ANK2: variants seen among roughly 807,000 people sequenced by gnomAD.
The protein encoded by ANK2 is ankyrin 2.
Under a neutral mutation model 360.5 loss-of-function variants are expected in ANK2, and 83 were observed. The observed-to-expected ratio is 0.23, with a 90% confidence interval of 0.19 to 0.28. The LOEUF (loss-of-function observed/expected upper bound fraction) is 0.28, where lower values mean the gene tolerates loss of function less well. Among genes scored for constraint, ANK2 ranks in the 10% least tolerant of loss-of-function variants. The pLI, the probability that ANK2 is intolerant of heterozygous loss-of-function variation, is 1.00. For missense variants in ANK2, 4,201 were observed against 4,795.7 expected (o/e 0.88, Z 3.66); for synonymous variants, 1,740 against 1,759.5 (o/e 0.99, Z 0.28).
chr4:112,860,599 A>C (rs1308441433), intron 1 of ANK2, among the ~76,000 whole-genome samples: 1 of 152,240 alleles, frequency 6.6e-6, no homozygotes, highest in Non-Finnish European at 1.5e-5. Flanking sequence ...AGTTGGAAAA[A>C]ATAATTACTA....
intron 1 of ANK2, among the ~76,000 whole-genome samples, chr4:113,168,809 A>G (rs1484717507): frequency 6.6e-6 from 1 of 152,216 alleles, no homozygotes; most frequent in Non-Finnish European, 1.5e-5. Context: ...TGAGCTAATG[A>G]AAGAGCTGAA....
chr4:113,042,144 C>T (rs972482717), intron 2 of ANK2, among the ~76,000 whole-genome samples: 1 of 152,134 alleles, frequency 6.6e-6, no homozygotes, highest in Non-Finnish European at 1.5e-5. Context: ...ATTGAAGGCG[C>T]AGATAGAACA....
intron 1 of ANK2, among the ~76,000 whole-genome samples, chr4:113,057,023 A>C (rs1027324754): frequency 2.6e-5 from 4 of 152,202 alleles, no homozygotes; most frequent in Admixed American, 2.6e-4. Flanking sequence ...TTCCGAACAC[A>C]TGGGAAAGTT....
intron 22 of ANK2, among the ~76,000 whole-genome samples, chr4:113,296,345 G>T (rs1214381553): frequency 6.6e-6 from 1 of 152,078 alleles, no homozygotes; most frequent in Non-Finnish European, 1.5e-5. Flanking sequence ...CAACTTAATA[G>T]TTAAGTAAAA....
intron 2 of ANK2, among the ~76,000 whole-genome samples, chr4:112,938,319 C>T (rs1194267268): frequency 2.0e-5 from 3 of 152,184 alleles, no homozygotes; most frequent in Admixed American, 6.5e-5. Flanking sequence ...CTTGAACACA[C>T]ATCTCTAGAT....
chr4:113,158,669 C>T (rs2154401183), intron 1 of ANK2, among the ~76,000 whole-genome samples: 1 of 152,214 alleles, frequency 6.6e-6, no homozygotes, highest in South Asian at 2.1e-4. Flanking sequence ...AACCTAAACA[C>T]CTTTTATTTG....
At chr4:112,762,715 G>GC in the ANK2 span, among the ~76,000 whole-genome samples, 13 of 152,126 alleles carry the variant, frequency 8.5e-5, no homozygotes, top group Non-Finnish European at 1.3e-4. Flanking sequence ...TCACCACGTT[G>GC]GCCAGGCTGG....
intron 2 of ANK2, chr4:113,033,982 C>T (rs1233654781): frequency 2.0e-5 from 3 of 151,832 alleles, no homozygotes; most frequent in African/African-American, 7.3e-5. Context: ...TAGATCTGCT[C>T]TTTTCCTGCT....
intron 1 of ANK2, among the ~76,000 whole-genome samples, chr4:113,159,032 A>G (rs369794049): frequency 8.5e-5 from 13 of 152,274 alleles, no homozygotes; most frequent in African/African-American, 2.9e-4. Context: ...GGGTTCTGTT[A>G]TCATAGTAAT....
intron 23 of ANK2, among the ~76,000 whole-genome samples, chr4:113,305,893 C>G (rs1296599272): frequency 6.6e-6 from 1 of 152,054 alleles, no homozygotes; most frequent in Admixed American, 6.6e-5. Context: ...ATACTAATAG[C>G]TTTTAAGGAG....
chr4:113,043,580 GC>G (rs2063508561), intron 2 of ANK2, among the ~76,000 whole-genome samples: 1 of 152,018 alleles, frequency 6.6e-6, no homozygotes, highest in African/African-American at 2.4e-5. Context: ...TTGACCAGTG[GC>G]TTTTTCATTG....
chr4:113,252,108 C>T (rs959930337), intron 10 of ANK2, among the ~76,000 whole-genome samples: 1 of 152,104 alleles, frequency 6.6e-6, no homozygotes, highest in African/African-American at 2.4e-5. Context: ...GGAGGCTTCA[C>T]AATCATGGCA....
chr4:113,275,237 C>A (rs29333), intron 15 of ANK2, among the ~76,000 whole-genome samples: 1 of 152,002 alleles, frequency 6.6e-6, no homozygotes, highest in Admixed American at 6.6e-5. Context: ...TTATTGACAT[C>A]GAGCAAAGAA....
At chr4:112,898,863 G>A (rs753671007) in intron 1 of ANK2, among the ~76,000 whole-genome samples, 14 of 152,128 alleles carry the variant, frequency 9.2e-5, no homozygotes, top group Non-Finnish European at 1.6e-4. Flanking sequence ...GCAGAGGATG[G>A]TATTTTTCTC....
At chr4:113,077,019 A>C (rs1477320197) in intron 1 of ANK2, among the ~76,000 whole-genome samples, 1 of 151,820 alleles carries the variant, frequency 6.6e-6, no homozygotes, top group Non-Finnish European at 1.5e-5. Context: ...GAAAGAAGGA[A>C]GGAAGGAAGG....
chr4:113,354,103 A>C lies in ANK2; in HGVS notation c.5485A>C (p.Arg1829=), dbSNP rs1225010169. The change falls in exon 38 of 46, where the codon AGA becomes CGA. Residue 1829 remains arginine (R), a synonymous_variant. Coordinates refer to ENST00000357077, the MANE Select transcript of ANK2 (RefSeq NM_001148.6). ...AGGGTCTCCCTCCCCTAAAACAGAA[A>C]GACACTCTACTCTTTCCTCTTCCGC... ...APGSPSPKTE[R]HSTLSSSAKT... is the part of the protein sequence containing the mutation. 1 of 1,614,078 alleles carries C rather than the reference A, an allele frequency of 6.2e-7. No homozygotes were observed.
intron 32 of ANK2, among the ~76,000 whole-genome samples, chr4:113,340,608 A>T (rs1466538943): frequency 6.6e-6 from 1 of 152,156 alleles, no homozygotes; most frequent in African/African-American, 2.4e-5. Context: ...AGGCGGGAGG[A>T]TCTCTTGAGC....
rs549429273 is a variant in ANK2 at position 113,337,160 on chromosome 4, C to T, written c.3796+379C>T. Among the ~76,000 whole-genome samples, 3 of 152,232 alleles carry T rather than the reference C, an allele frequency of 2.0e-5. No homozygotes were observed. The East Asian group carries it at 5.8e-4, about 29-fold the overall frequency. ...ATGTCTCCAAAGTTCAGGCTTCAAG[C>T]CTTCATTGAAGAGATCACTAAATCT... On this transcript the variant is annotated intron_variant, in intron 31 of 45. Coordinates refer to ENST00000357077, the MANE Select transcript of ANK2 (RefSeq NM_001148.6).
At chr4:113,291,670 C>G (rs1435920406) in intron 20 of ANK2, among the ~76,000 whole-genome samples, 2 of 152,122 alleles carry the variant, frequency 1.3e-5, no homozygotes, top group Admixed American at 6.5e-5. Flanking sequence ...GAACTTAGAG[C>G]CCAGGACAAC....
Sources: allele counts gnomAD v4.1 joint callset (sites outside exome capture counted in the v4.1 genomes callset), GRCh38; gene constraint gnomAD v4.1.1; transcripts MANE v1.5; gene names NCBI Gene and HGNC (gene_info 2026-07-23, HGNC 2026-07-21).